Variants in THSD7B observed in about 807,000 individuals in gnomAD.
THSD7B encodes thrombospondin type 1 domain containing 7B.
THSD7B carries 138 observed loss-of-function variants against 213.6 expected under a neutral mutation model. That is an observed-to-expected ratio of 0.65 (90% CI 0.56 to 0.74). The LOEUF is 0.74. Among genes scored for constraint, THSD7B ranks in the 30% least tolerant of loss-of-function variants. The pLI, the probability that THSD7B is intolerant of heterozygous loss-of-function variation, is 0.00. For synonymous variants in THSD7B, 742 were observed against 687.0 expected (o/e 1.08, Z -1.25); for missense variants, 1,931 against 1,991.5 (o/e 0.97, Z 0.58).
intron 5 of THSD7B, among the ~76,000 whole-genome samples, chr2:137,142,322 A>T (rs1679602846): frequency 6.6e-6 from 1 of 152,106 alleles, no homozygotes; most frequent in African/African-American, 2.4e-5. Context: ...TAGATAAGGA[A>T]CCCATTCACT....
At chr2:136,945,695 C>A (rs1573726223) in intron 2 of THSD7B, among the ~76,000 whole-genome samples, 1 of 151,946 alleles carries the variant, frequency 6.6e-6, no homozygotes, top group Non-Finnish European at 1.5e-5. Context: ...CTCTAAACTT[C>A]TCTTCTTGCT....
intron 15 of THSD7B, among the ~76,000 whole-genome samples, chr2:137,517,354 A>C (rs753651723): frequency 6.6e-6 from 1 of 152,238 alleles, no homozygotes; most frequent in African/African-American, 2.4e-5. Context: ...CACTGGACTT[A>C]CTGGTAAATC....
intron 14 of THSD7B, among the ~76,000 whole-genome samples, chr2:137,441,684 T>A (rs1470993953): frequency 6.6e-6 from 1 of 152,076 alleles, no homozygotes. Flanking sequence ...CCTTGGTTGG[T>A]AGCAGCAGAC....
At chr2:136,949,949 A>G (rs531012494) in intron 2 of THSD7B, among the ~76,000 whole-genome samples, 16 of 152,328 alleles carry the variant, frequency 1.1e-4, no homozygotes, top group East Asian at 7.7e-4. Context: ...ATGCCCATCA[A>G]TGATAGACTG....
intron 3 of THSD7B, among the ~76,000 whole-genome samples, chr2:137,094,629 T>C (rs761150595): frequency 2.6e-5 from 4 of 151,926 alleles, no homozygotes; most frequent in Non-Finnish European, 5.9e-5. Flanking sequence ...CTGTTAAAAG[T>C]GGACCCATCT....
rs765115799 is a variant in THSD7B at position 137,448,836 on chromosome 2, C to CAACAACAAA, written c.2960-2007_2960-2006insCAACAAAAA. On this transcript the variant is annotated intron_variant, in intron 14 of 27. Transcript: ENST00000409968. ...ACAACAACAACAACAACAACAACAA[C>CAACAACAAA]AAAAACTACCCTTTCCTGGGTCCCA... Among the ~76,000 whole-genome samples, 932 of 147,582 alleles carry CAACAACAAA rather than the reference C, an allele frequency of 6.3e-3. 8 individuals are homozygous for CAACAACAAA. The highest frequency in any genetic ancestry group is 0.019 in the African/African-American group (763 of 39,536).
chr2:137,250,664 T>C (rs1277458831), intron 10 of THSD7B, among the ~76,000 whole-genome samples: 1 of 152,144 alleles, frequency 6.6e-6, no homozygotes. Flanking sequence ...AAGTAGTGAA[T>C]GAAACATACA....
At chr2:137,558,137 A>G (rs1558838819) in intron 15 of THSD7B, among the ~76,000 whole-genome samples, 1 of 152,216 alleles carries the variant, frequency 6.6e-6, no homozygotes, top group Admixed American at 6.5e-5. Flanking sequence ...CAGAGGTACA[A>G]GGAGGAGCTG....
chr2:137,160,501 G>T, intron 6 of THSD7B, 133 bp downstream of exon 6: 1 of 1,209,462 alleles, frequency 8.3e-7, no homozygotes, highest in Non-Finnish European at 1.1e-6. Flanking sequence ...CAAGCCTAAC[G>T]GTATTCAGTT....
At chr2:137,586,325 G>T (rs1007038011) in intron 17 of THSD7B, among the ~76,000 whole-genome samples, 20 of 152,166 alleles carry the variant, frequency 1.3e-4, no homozygotes, top group Non-Finnish European at 1.5e-4. Context: ...GGAGTATTTA[G>T]CCCATTTACA....
chr2:137,543,451 C>T (rs1238150281), intron 15 of THSD7B, among the ~76,000 whole-genome samples: 1 of 151,822 alleles, frequency 6.6e-6, no homozygotes, highest in Non-Finnish European at 1.5e-5. Flanking sequence ...ATTTAGACCA[C>T]TCCCTCATAT....
At chr2:137,554,130 T>C (rs1366930246) in intron 15 of THSD7B, among the ~76,000 whole-genome samples, 1 of 152,182 alleles carries the variant, frequency 6.6e-6, no homozygotes, top group Admixed American at 6.5e-5. Flanking sequence ...GAAAAGATTT[T>C]TATTTTTGTT....
chr2:136,814,309 C>T (rs938348307), intron 1 of THSD7B, among the ~76,000 whole-genome samples: 14 of 152,074 alleles, frequency 9.2e-5, no homozygotes, highest in South Asian at 4.1e-4. Context: ...ATTATGTATA[C>T]GTAATTAAAT....
chr2:137,502,021 C>T (rs2105137806), intron 15 of THSD7B, among the ~76,000 whole-genome samples: 1 of 152,274 alleles, frequency 6.6e-6, no homozygotes, highest in East Asian at 1.9e-4. Flanking sequence ...TGTCTGCTTT[C>T]AGTGTTTATC....
intron 4 of THSD7B, among the ~76,000 whole-genome samples, chr2:137,108,855 T>C (rs1193539698): frequency 5.3e-5 from 8 of 151,910 alleles, no homozygotes; most frequent in African/African-American, 1.2e-4. Flanking sequence ...TGGTAGGAGG[T>C]AAATGAAGAA....
At chr2:137,560,563 G>C (rs1286815082) in intron 15 of THSD7B, among the ~76,000 whole-genome samples, 2 of 152,094 alleles carry the variant, frequency 1.3e-5, no homozygotes, top group Non-Finnish European at 2.9e-5. Flanking sequence ...GGCCTGTTGT[G>C]GGGTGGGTGG....
intron 3 of THSD7B, among the ~76,000 whole-genome samples, chr2:137,063,525 A>G (rs1289832123): frequency 2.0e-5 from 3 of 152,168 alleles, no homozygotes; most frequent in Middle Eastern, 3.4e-3. Flanking sequence ...CCTTTGTGTT[A>G]TAAACAATCC....
chr2:136,825,948 C>T (rs537497783), intron 1 of THSD7B, among the ~76,000 whole-genome samples: 3 of 152,164 alleles, frequency 2.0e-5, no homozygotes, highest in African/African-American at 4.8e-5. Context: ...CCTTTTGCTT[C>T]GCAGCACCTG....
At chr2:137,341,521 C>G (rs1372263872) in intron 12 of THSD7B, among the ~76,000 whole-genome samples, 1 of 151,392 alleles carries the variant, frequency 6.6e-6, no homozygotes, top group Non-Finnish European at 1.5e-5. Flanking sequence ...AAAATCATTG[C>G]CTAGATCAAT....
Sources: gnomAD v4.1 joint callset for allele counts (sites outside exome capture counted in the v4.1 genomes callset) on GRCh38, gnomAD v4.1.1 for gene constraint, MANE v1.5 for transcripts, NCBI Gene and HGNC (gene_info 2026-07-23, HGNC 2026-07-21) for gene names.